NAV2: variants seen among roughly 807,000 people sequenced by gnomAD.
NAV2 encodes helicase, APC down-regulated 1.
A neutral mutation model predicts 223.2 loss-of-function variants in NAV2; 54 were observed. The observed-to-expected ratio is 0.24, with a 90% CI of 0.19 to 0.30. The LOEUF is 0.30. Among genes scored for constraint, NAV2 ranks in the 10% least tolerant of loss-of-function variants. The pLI is 1.00. For missense variants in NAV2, 2,806 were observed against 3,147.5 expected (o/e 0.89, Z 2.60); for synonymous variants, 1,279 against 1,239.3 (o/e 1.03, Z -0.67).
chr11:19,457,358 A>C lies in NAV2; in HGVS notation c.75+106331A>C, dbSNP rs1430613956. The stretch of plus-strand genomic sequence containing the variant: ...GGTAGCTTGTAGGCAAGAAGGAGCC[A>C]GTTGTGTGAAGACCTCGGGACCTGA... On this transcript the variant is annotated intron_variant, in intron 1 of 37. Coordinates refer to the NAV2 transcript ENST00000360655. Among the ~76,000 whole-genome samples the C allele has an allele frequency of 5.9e-5, 9 of 152,316 alleles. No individual in the cohort carries two copies. In the East Asian group the frequency reaches 1.5e-3, roughly 26 times the overall value.
intron 1 of NAV2, among the ~76,000 whole-genome samples, chr11:19,754,394 A>G (rs1007441817): frequency 6.6e-6 from 1 of 152,230 alleles, no homozygotes; most frequent in Admixed American, 6.5e-5. Flanking sequence ...GGCTTCGTGC[A>G]GGAGGCAGCT....
chr11:19,913,042 A>C (rs141400270), intron 6 of NAV2, among the ~76,000 whole-genome samples: 1 of 151,890 alleles, frequency 6.6e-6, no homozygotes, highest in African/African-American at 2.4e-5. Flanking sequence ...CATGAAAGCT[A>C]CTCCTCCAGG....
chr11:20,060,293 C>T lies in NAV2; in HGVS notation c.4832-2014C>T, dbSNP rs2058620597. 2.6e-5 allele frequency among the ~76,000 whole-genome samples: 4 copies of T among 152,368 alleles called. No individual in the cohort carries two copies. The South Asian group carries it at 8.3e-4, about 32-fold the overall frequency. Reference sequence around the variant, plus strand: ...CTATGTGTTACACACATCTCTTCACCCAGCTTGGCCTCCAACATAATTCCT... The same window carrying T: ...CTATGTGTTACACACATCTCTTCACTCAGCTTGGCCTCCAACATAATTCCT... On this transcript the variant is annotated intron_variant, in intron 19 of 37. Coordinates refer to ENST00000349880, the MANE Select transcript of NAV2 (RefSeq NM_145117.5).
intron 1 of NAV2, among the ~76,000 whole-genome samples, chr11:19,405,067 G>A (rs778449023): frequency 4.6e-5 from 7 of 152,152 alleles, no homozygotes; most frequent in African/African-American, 1.2e-4. Flanking sequence ...TCCCTGGTCC[G>A]TGGAAGACAG....
chr11:20,080,877 C>T (rs10833239), intron 25 of NAV2, among the ~76,000 whole-genome samples: 41,150 of 152,104 alleles, frequency 0.27, 6,022 homozygotes, highest in East Asian at 0.59. Flanking sequence ...TCCACTCTCC[C>T]AGAAAAATTC....
intron 1 of NAV2, among the ~76,000 whole-genome samples, chr11:19,427,489 A>C (rs567573480): frequency 6.6e-6 from 1 of 152,220 alleles, no homozygotes; most frequent in South Asian, 2.1e-4. Context: ...GAACCCAGAA[A>C]AAATTCTCAC....
chr11:19,683,225 T>A (rs2048926105), intron 1 of NAV2, among the ~76,000 whole-genome samples: 1 of 152,194 alleles, frequency 6.6e-6, no homozygotes, highest in African/African-American at 2.4e-5. Flanking sequence ...GGGACACATG[T>A]AAGCCTGTTT....
At chr11:19,575,854 G>A (rs910005743) in intron 1 of NAV2, among the ~76,000 whole-genome samples, 3 of 152,216 alleles carry the variant, frequency 2.0e-5, no homozygotes, top group African/African-American at 7.2e-5. Flanking sequence ...CAGGCACTAT[G>A]AGAGGTAAGG....
At chr11:19,885,680 G>A (rs1209594517) in intron 5 of NAV2, among the ~76,000 whole-genome samples, 3 of 152,134 alleles carry the variant, frequency 2.0e-5, no homozygotes, top group Non-Finnish European at 2.9e-5. Context: ...ATAGGGTTAG[G>A]AGGATATTTT....
In NAV2 at chr11:20,120,772, C is replaced by T. The variant is rs2063434993; in HGVS notation, c.*2514C>T. 2 of 152,354 alleles carry T rather than the reference C, an allele frequency of 1.3e-5. No individual in the cohort carries two copies. Among genetic ancestry groups the T allele is most frequent in the South Asian group, 2.1e-4 (1 of 4,816 alleles). 9.4% of individuals were successfully genotyped at this position (152,354 alleles called of 1,614,324 possible). On this transcript the variant is annotated 3_prime_UTR_variant, in exon 38 of 38. Transcript: ENST00000349880. ...CAACTCCGTGTCCTTCCTAAAGTTT[C>T]GGGAAGCAGGGTTGTCTAATATGCA...
chr11:19,356,416 G>T (rs560349186), intron 1 of NAV2, among the ~76,000 whole-genome samples: 3 of 152,246 alleles, frequency 2.0e-5, no homozygotes, highest in South Asian at 4.2e-4. Flanking sequence ...CCAGCCAGCC[G>T]CAGCATGAGG....
chr11:19,700,009 T>C (rs867855369), intron 1 of NAV2, among the ~76,000 whole-genome samples: 39 of 152,290 alleles, frequency 2.6e-4, no homozygotes, highest in African/African-American at 8.9e-4. Context: ...GGCCTTCACT[T>C]AGTGTCGTAG....
intron 1 of NAV2, among the ~76,000 whole-genome samples, chr11:19,742,609 C>T (rs1284273104): frequency 6.6e-6 from 1 of 152,104 alleles, no homozygotes; most frequent in Non-Finnish European, 1.5e-5. Flanking sequence ...GTGGATGAGG[C>T]ACTGGTTCCA....
At chr11:19,368,884 T>C (rs779561554) in intron 1 of NAV2, among the ~76,000 whole-genome samples, 1 of 152,192 alleles carries the variant, frequency 6.6e-6, no homozygotes, top group Non-Finnish European at 1.5e-5. Flanking sequence ...AAAGGAGACA[T>C]GGCTCAGATT....
At chr11:20,091,856 A>C (rs2060873932) in intron 27 of NAV2, among the ~76,000 whole-genome samples, 1 of 152,192 alleles carries the variant, frequency 6.6e-6, no homozygotes, top group South Asian at 2.1e-4. Context: ...AGAGGAGCTC[A>C]TTAAAGATTC....
rs551502980 is a variant in NAV2 at position 20,083,993 on chromosome 11, G to A, written c.5498+814G>A. Among the ~76,000 whole-genome samples, 117 of 152,352 alleles carry A rather than the reference G, an allele frequency of 7.7e-4. 1 individual carries two copies. Among genetic ancestry groups the A allele is most frequent in the African/African-American group, 2.7e-3 (112 of 41,580 alleles). On this transcript the variant is annotated intron_variant, in intron 26 of 37. Transcript: ENST00000349880. ...TACCAGATGGGTAGAGGGAGTACAGGCAAAATCAGCCTGTCCAGAGGCCAG... is the reference window on the plus strand; with the variant it reads ...TACCAGATGGGTAGAGGGAGTACAGACAAAATCAGCCTGTCCAGAGGCCAG...
intron 1 of NAV2, among the ~76,000 whole-genome samples, chr11:19,692,402 A>G (rs555403307): frequency 1.3e-5 from 2 of 152,264 alleles, no homozygotes; most frequent in South Asian, 4.1e-4. Context: ...GAAAGCTTGT[A>G]GCTTGACGCT....
At chr11:19,935,167 A>G (rs1464243518) in intron 7 of NAV2, among the ~76,000 whole-genome samples, 1 of 152,232 alleles carries the variant, frequency 6.6e-6, no homozygotes, top group Non-Finnish European at 1.5e-5. Context: ...CAGAGCTTTC[A>G]CTGACAGTGC....
At chr11:19,923,811 A>G (rs1273567158) in intron 6 of NAV2, among the ~76,000 whole-genome samples, 1 of 152,232 alleles carries the variant, frequency 6.6e-6, no homozygotes, top group Non-Finnish European at 1.5e-5. Flanking sequence ...ACTTTCTTAT[A>G]GCCATATATG....
Sources: allele counts gnomAD v4.1 joint callset (sites outside exome capture counted in the v4.1 genomes callset), GRCh38; gene constraint gnomAD v4.1.1; transcripts MANE v1.5; gene names NCBI Gene and HGNC (gene_info 2026-07-23, HGNC 2026-07-21).